FMNL2: variants seen among roughly 807,000 people sequenced by gnomAD.
FMNL2 encodes formin like 2, also known as formin-like protein 2.
In FMNL2, 51 loss-of-function variants were observed where a neutral mutation model predicts 130.2. The observed-to-expected ratio is 0.39, with a 90% confidence interval of 0.31 to 0.49. The LOEUF is 0.49. Among genes scored for constraint, FMNL2 ranks in the 20% least tolerant of loss-of-function variants. The pLI, the probability that FMNL2 is intolerant of heterozygous loss-of-function variation, is 0.85. For synonymous variants in FMNL2, 465 were observed against 467.1 expected (o/e 1.00, Z 0.06); for missense variants, 977 against 1,316.2 (o/e 0.74, Z 3.99).
intron 9 of FMNL2, among the ~76,000 whole-genome samples, chr2:152,594,630 T>G (rs990383908): frequency 6.6e-6 from 1 of 152,204 alleles, no homozygotes; most frequent in Non-Finnish European, 1.5e-5. Flanking sequence ...AGGACTTGTC[T>G]GTGGAAGAAG....
intron 1 of FMNL2, among the ~76,000 whole-genome samples, chr2:152,510,624 CAG>C (rs1692448343): frequency 6.6e-6 from 1 of 152,112 alleles, no homozygotes; most frequent in Non-Finnish European, 1.5e-5. Flanking sequence ...ACTTTAATAC[CAG>C]GATGTCGTAC....
At chr2:152,545,511 A>G (rs1403548603) in intron 3 of FMNL2, among the ~76,000 whole-genome samples, 1 of 152,218 alleles carries the variant, frequency 6.6e-6, no homozygotes, top group Middle Eastern at 3.2e-3. Context: ...CCTAAATTAG[A>G]TATCTCTATG....
intron 20 of FMNL2, among the ~76,000 whole-genome samples, chr2:152,631,574 A>G (rs1009904417): frequency 3.9e-5 from 6 of 151,998 alleles, no homozygotes; most frequent in Non-Finnish European, 8.8e-5. Flanking sequence ...GGTGGATGGG[A>G]ATGGCACGTG....
At chr2:152,560,756 T>C in intron 5 of FMNL2, 127 bp from the exon 6 acceptor site, 3 of 792,492 alleles carry the variant, frequency 3.8e-6, no homozygotes, top group Non-Finnish European at 5.5e-6. Context: ...TTTCCAGTTT[T>C]CTTTGTTTAC....
chr2:152,541,039 A>G (rs1694284554), intron 2 of FMNL2, among the ~76,000 whole-genome samples: 1 of 152,244 alleles, frequency 6.6e-6, no homozygotes, highest in Non-Finnish European at 1.5e-5. Flanking sequence ...AATACCAAAA[A>G]ATTCCGTTGT....
At chr2:152,449,078 C>G (rs1207082211) in intron 1 of FMNL2, among the ~76,000 whole-genome samples, 1 of 152,232 alleles carries the variant, frequency 6.6e-6, no homozygotes, top group Non-Finnish European at 1.5e-5. Context: ...GCAAGCACAA[C>G]AGAAGGGGTG....
intron 1 of FMNL2, among the ~76,000 whole-genome samples, chr2:152,509,831 G>C (rs1379796371): frequency 7.4e-6 from 1 of 135,256 alleles, no homozygotes; most frequent in Admixed American, 8.6e-5. Flanking sequence ...ATGCAGCCTC[G>C]AGCTCATGGC....
At chr2:152,356,403 C>T (rs992853389) in intron 1 of FMNL2, among the ~76,000 whole-genome samples, 3 of 152,260 alleles carry the variant, frequency 2.0e-5, no homozygotes, top group African/African-American at 7.2e-5. Context: ...GGATTACAGG[C>T]GTGAGCCACC....
intron 1 of FMNL2, among the ~76,000 whole-genome samples, chr2:152,432,352 C>G (rs952074111): frequency 6.6e-6 from 1 of 152,118 alleles, no homozygotes; most frequent in African/African-American, 2.4e-5. Context: ...TAATTCAAAG[C>G]AGAGCGGAAG....
chr2:152,441,803 C>A (rs1262179247), intron 1 of FMNL2, among the ~76,000 whole-genome samples: 1 of 150,874 alleles, frequency 6.6e-6, no homozygotes, highest in African/African-American at 2.5e-5. Context: ...CCACTGCACT[C>A]CAGCCTGGGC....
At chr2:152,348,818 GTTTTTTTTTT>G (rs1244621847) in intron 1 of FMNL2, among the ~76,000 whole-genome samples, 7 of 71,830 alleles carry the variant, frequency 9.7e-5, no homozygotes, top group African/African-American at 4.3e-4. Context: ...GCTTCTAAGG[GTTTTTTTTTT>G]TTTTTTTTTT....
At chr2:152,454,513 A>G (rs1430182321) in intron 1 of FMNL2, among the ~76,000 whole-genome samples, 1 of 152,198 alleles carries the variant, frequency 6.6e-6, no homozygotes. Flanking sequence ...AACTGTTAAA[A>G]TCCTGCTGGA....
rs1489542771 is a variant in FMNL2, at chr2:152,395,967, C to A, written c.117+60247C>A. ...CTTTTGTTTCATTTTTAAAATAATT[C>A]TTAAGAGCTGCTGTCTTTCGACAGA... On this transcript the variant is annotated intron_variant, in intron 1 of 25. Coordinates refer to ENST00000288670, the MANE Select transcript of FMNL2 (RefSeq NM_052905.4). 3.9e-5 allele frequency among the ~76,000 whole-genome samples: 6 copies of A among 152,270 alleles called. No individual in the cohort carries two copies. The South Asian group carries it at 6.2e-4, about 16-fold the overall frequency.
chr2:152,545,773 C>T (rs528116985), intron 3 of FMNL2, among the ~76,000 whole-genome samples: 13 of 152,262 alleles, frequency 8.5e-5, no homozygotes, highest in African/African-American at 2.9e-4. Context: ...TAGTGTTTTG[C>T]ATTCTGGATA....
chr2:152,351,872 G>A (rs536962592), intron 1 of FMNL2, among the ~76,000 whole-genome samples: 78 of 152,260 alleles, frequency 5.1e-4, no homozygotes, highest in African/African-American at 1.7e-3. Flanking sequence ...GTTGTTTCCT[G>A]ACTTTAATAA....
chr2:152,542,384 A>G (rs1301037671), intron 2 of FMNL2, among the ~76,000 whole-genome samples: 1 of 152,204 alleles, frequency 6.6e-6, no homozygotes, highest in Admixed American at 6.5e-5. Flanking sequence ...CTGAAGGAGG[A>G]CCTGAAACAG....
At chr2:152,612,514 T>C (rs569137546) in intron 11 of FMNL2, among the ~76,000 whole-genome samples, 39 of 152,198 alleles carry the variant, frequency 2.6e-4, no homozygotes, top group Non-Finnish European at 5.3e-4. Flanking sequence ...AGCGAGACCC[T>C]GTGTCTAAAA....
intron 2 of FMNL2, among the ~76,000 whole-genome samples, chr2:152,537,873 C>T (rs181781706): frequency 1.2e-4 from 18 of 150,452 alleles, no homozygotes; most frequent in East Asian, 3.9e-4. Context: ...TGGGAAAATA[C>T]ATCAGAGACC....
intron 3 of FMNL2, among the ~76,000 whole-genome samples, chr2:152,546,863 C>G (rs1051800678): frequency 6.6e-6 from 1 of 152,058 alleles, no homozygotes; most frequent in Non-Finnish European, 1.5e-5. Flanking sequence ...CTCCTCTACT[C>G]TATTCCTAAT....
Sources: gnomAD v4.1 joint callset for allele counts (sites outside exome capture counted in the v4.1 genomes callset) on GRCh38, gnomAD v4.1.1 for gene constraint, MANE v1.5 for transcripts, NCBI Gene and HGNC (gene_info 2026-07-23, HGNC 2026-07-21) for gene names.